Variants in LRP1B observed in about 807,000 individuals in gnomAD.
LRP1B encodes the protein low-density lipoprotein receptor-related protein 1B.
In LRP1B, 217 loss-of-function variants were observed where a neutral mutation model predicts 556.6. That is an observed-to-expected ratio of 0.39 (90% CI 0.35 to 0.44). The LOEUF (loss-of-function observed/expected upper bound fraction) is 0.44, where lower values mean the gene tolerates loss of function less well. Among genes scored for constraint, LRP1B ranks in the 20% least tolerant of loss-of-function variants. The probability of loss-of-function intolerance (pLI) is 1.00; values close to 1 mark genes in which losing one functional copy is unlikely to be tolerated. For synonymous variants in LRP1B, 2,047 were observed against 1,865.8 expected (o/e 1.10, Z -2.50); for missense variants, 5,053 against 5,620.8 (o/e 0.90, Z 3.23).
Position 141,546,022 on chromosome 2 carries a change from C to T in LRP1B, c.206-65489G>A, listed in dbSNP as rs114157690. ...TACCAGTAGCAACAGAAAATGAATA[C>T]AGTTTATCCGCATGGATCTTGGTGA... On this transcript the variant is annotated intron_variant, in intron 2 of 90. Coordinates refer to ENST00000389484, the MANE Select transcript of LRP1B (RefSeq NM_018557.3). Among the ~76,000 whole-genome samples the T allele has an allele frequency of 4.9e-3, 740 of 152,192 alleles. 7 individuals are homozygous for T. The highest frequency in any genetic ancestry group is 0.017 in the African/African-American group (701 of 41,536).
At chr2:141,323,913 C>T (rs568561140) in intron 3 of LRP1B, among the ~76,000 whole-genome samples, 30 of 95,690 alleles carry the variant, frequency 3.1e-4, no homozygotes, top group South Asian at 1.8e-3. Context: ...CACACCTGAA[C>T]GAGGAAACCA....
chr2:140,974,700 C>T (rs2105333875), intron 18 of LRP1B, among the ~76,000 whole-genome samples: 1 of 152,188 alleles, frequency 6.6e-6, no homozygotes. Context: ...TCGCCATGGC[C>T]CTGGCCCACT....
rs578094429 is a variant in LRP1B, at chr2:141,185,188, C to T, written c.1013+3233G>A. ...CAACAGCCCTGCAGGGCAGCACTAT[C>T]ATAATTCACATTTTTATGACAATAA... On this transcript the variant is annotated intron_variant, in intron 7 of 90. Transcript: ENST00000389484. Among the ~76,000 whole-genome samples, 4 of 152,154 alleles carry T rather than the reference C, an allele frequency of 2.6e-5. No homozygotes were observed. The South Asian group carries it at 8.3e-4, about 32-fold the overall frequency.
At chr2:140,954,639 T>C (rs868368258) in intron 18 of LRP1B, among the ~76,000 whole-genome samples, 7 of 152,046 alleles carry the variant, frequency 4.6e-5, no homozygotes, top group African/African-American at 1.7e-4. Flanking sequence ...AAATTAGCTC[T>C]GAATATATAA....
At chr2:140,320,237 A>C (rs538820695) in intron 82 of LRP1B, among the ~76,000 whole-genome samples, 3 of 145,820 alleles carry the variant, frequency 2.1e-5, no homozygotes, top group African/African-American at 7.7e-5. Flanking sequence ...TGGCCACATA[A>C]ACATCTATTT....
chr2:140,302,967 C>T (rs1490575607), intron 83 of LRP1B, among the ~76,000 whole-genome samples: 1 of 147,676 alleles, frequency 6.8e-6, no homozygotes, highest in African/African-American at 2.5e-5. Flanking sequence ...TTGAACTCCT[C>T]AGGCTCCATA....
chr2:141,603,978 T>A (rs191736523), intron 2 of LRP1B, among the ~76,000 whole-genome samples: 1 of 152,324 alleles, frequency 6.6e-6, no homozygotes, highest in Non-Finnish European at 1.5e-5. Context: ...ATTCCAGGGA[T>A]GCAATTGCAT....
rs776235795 is a variant in LRP1B at position 140,541,939 on chromosome 2, G to A, written c.7227C>T (p.Leu2409=). ...VIVKSGPGTF[L]SLAVYDNYIF... ...TATAATTGTCATAAACAGCCAAACTGAGGAAAGTCCCTGGCCCAGATTTAA... is the reference window on the plus strand; with the variant it reads ...TATAATTGTCATAAACAGCCAAACTAAGGAAAGTCCCTGGCCCAGATTTAA... Residue 2409 remains leucine, a synonymous_variant, in exon 44 of 91, where the codon CTC becomes CTT. Coordinates refer to ENST00000389484, the MANE Select transcript of LRP1B (RefSeq NM_018557.3). 9 of 1,608,766 alleles carry A rather than the reference G, an allele frequency of 5.6e-6. No individual in the cohort carries two copies. In the East Asian group the frequency reaches 1.8e-4, roughly 32 times the overall value.
intron 2 of LRP1B, among the ~76,000 whole-genome samples, chr2:141,526,381 T>C (rs1461902540): frequency 6.6e-6 from 1 of 152,070 alleles, no homozygotes; most frequent in Non-Finnish European, 1.5e-5. Context: ...CATAAGTCTG[T>C]TTAATCTACA....
At chr2:140,458,766 C>T (rs994942369) in intron 60 of LRP1B, among the ~76,000 whole-genome samples, 2 of 151,804 alleles carry the variant, frequency 1.3e-5, no homozygotes, top group African/African-American at 4.8e-5. Context: ...AGCTTTACAG[C>T]CTTATTTTTT....
chr2:141,319,434 T>C (rs1687156602), intron 3 of LRP1B, among the ~76,000 whole-genome samples: 1 of 151,130 alleles, frequency 6.6e-6, no homozygotes, highest in South Asian at 2.1e-4. Context: ...TTTGAGACAA[T>C]TTTTTTTAAG....
intron 1 of LRP1B, among the ~76,000 whole-genome samples, chr2:141,887,968 G>T (rs961500197): frequency 2.6e-5 from 4 of 152,150 alleles, no homozygotes; most frequent in Non-Finnish European, 4.4e-5. Flanking sequence ...AACTAAAGAT[G>T]ATTTCCCTCT....
At chr2:141,281,364 T>C (rs944699019) in intron 3 of LRP1B, among the ~76,000 whole-genome samples, 1 of 151,932 alleles carries the variant, frequency 6.6e-6, no homozygotes, top group African/African-American at 2.4e-5. Context: ...GATTATAAAA[T>C]AGAGACTTTG....
chr2:141,190,521 T>C (rs1473496963), intron 6 of LRP1B, among the ~76,000 whole-genome samples: 1 of 151,994 alleles, frequency 6.6e-6, no homozygotes, highest in Admixed American at 6.6e-5. Flanking sequence ...TATGGTTTTA[T>C]TGCCCTGTGA....
chr2:141,188,727 G>A (rs1681370837), intron 6 of LRP1B, 144 bp from the exon 7 acceptor site: 2 of 634,750 alleles, frequency 3.2e-6, no homozygotes, highest in South Asian at 4.5e-5. Flanking sequence ...AAAGTCTCTT[G>A]CTATGCCAAA....
chr2:141,407,013 T>A (rs948500407), intron 3 of LRP1B, among the ~76,000 whole-genome samples: 3 of 152,142 alleles, frequency 2.0e-5, no homozygotes, highest in Non-Finnish European at 2.9e-5. Flanking sequence ...AAGGATCACA[T>A]CTACAATATT....
chr2:141,063,015 T>A (rs1490303360), intron 7 of LRP1B, among the ~76,000 whole-genome samples: 1 of 151,844 alleles, frequency 6.6e-6, no homozygotes, highest in Non-Finnish European at 1.5e-5. Flanking sequence ...AAAATGTAAC[T>A]CCAACACTTC....
At chr2:140,646,644 A>G (rs1321927172) in intron 41 of LRP1B, among the ~76,000 whole-genome samples, 1 of 152,158 alleles carries the variant, frequency 6.6e-6, no homozygotes, top group Non-Finnish European at 1.5e-5. Context: ...TTATCTTTTA[A>G]ACATAAACTG....
rs561037122 is a variant in LRP1B, at chr2:141,560,025, GTTC to G, written c.206-79495_206-79493del. On this transcript the variant is annotated intron_variant, in intron 2 of 90. Transcript: ENST00000389484. ...ACCCTTAACTTCAGACTAAGGCTAA[GTTC>G]TTCTGGTTATACCACCTGCCTTCTT... Among the ~76,000 whole-genome samples the G allele has an allele frequency of 1.1e-3, 162 of 151,682 alleles. No individual in the cohort carries two copies. In the Middle Eastern group the frequency reaches 0.017, roughly 16 times the overall value.
Sources: allele counts gnomAD v4.1 joint callset (sites outside exome capture counted in the v4.1 genomes callset), GRCh38; gene constraint gnomAD v4.1.1; transcripts MANE v1.5; gene names NCBI Gene and HGNC (gene_info 2026-07-23, HGNC 2026-07-21).